Variants in TMEM181 observed in about 807,000 individuals in gnomAD.
TMEM181 encodes the protein transmembrane protein 181.
TMEM181 carries 39 observed loss-of-function variants against 71.9 expected under a neutral mutation model. The ratio of observed to expected loss-of-function variants is 0.54; its 90% confidence interval spans 0.42 to 0.71. The LOEUF is 0.71. TMEM181 is among the 30% of genes least tolerant of loss of function. TMEM181 has a pLI of 0.00. For synonymous variants in TMEM181, 245 were observed against 228.8 expected (o/e 1.07, Z -0.64); for missense variants, 595 against 583.0 (o/e 1.02, Z -0.21).
intron 6 of TMEM181, 144 bp from the exon 7 acceptor site, chr6:158,605,123 A>G: frequency 1.9e-6 from 1 of 520,220 alleles, no homozygotes; most frequent in Non-Finnish European, 3.1e-6. Context: ...CCAAAAAAAA[A>G]AAAAAAAAGT....
At chr6:158,610,550 G>A (rs1045461378) in intron 10 of TMEM181, 3 of 442,862 alleles carry the variant, frequency 6.8e-6, no homozygotes, top group Non-Finnish European at 1.1e-5. Flanking sequence ...GGAGCTGGAT[G>A]TGTGTCCTCC....
chr6:158,560,828 C>G (rs200078940), intron 1 of TMEM181, among the ~76,000 whole-genome samples: 1 of 134,560 alleles, frequency 7.4e-6, no homozygotes, highest in Non-Finnish European at 1.6e-5. Flanking sequence ...TTTTTTTTTT[C>G]TTTACCTCTT....
At chr6:158,599,655 C>G (rs1260266164) in intron 6 of TMEM181, among the ~76,000 whole-genome samples, 2 of 152,388 alleles carry the variant, frequency 1.3e-5, no homozygotes, top group East Asian at 3.9e-4. Flanking sequence ...GGAACGACCT[C>G]TACTTGTGGA....
chr6:158,590,877 C>T (rs772117909), intron 6 of TMEM181, among the ~76,000 whole-genome samples: 2 of 152,222 alleles, frequency 1.3e-5, no homozygotes, highest in Non-Finnish European at 2.9e-5. Flanking sequence ...CCCCCACAGT[C>T]CTTGGCAATC....
chr6:158,623,697 C>T, intron 11 of TMEM181, 90 bp downstream of exon 11: 1 of 935,344 alleles, frequency 1.1e-6, no homozygotes, highest in Non-Finnish European at 1.6e-6. Flanking sequence ...TTCTGTTGAG[C>T]TTTTTGCTAA....
At chr6:158,571,489 G>A (rs1485563841) in intron 1 of TMEM181, among the ~76,000 whole-genome samples, 2 of 136,292 alleles carry the variant, frequency 1.5e-5, no homozygotes, top group South Asian at 2.3e-4. Context: ...TAGTAGAGAC[G>A]GGGTTTCATC....
At chr6:158,622,199 G>A (rs1583049752) in intron 10 of TMEM181, among the ~76,000 whole-genome samples, 1 of 152,332 alleles carries the variant, frequency 6.6e-6, no homozygotes, top group East Asian at 1.9e-4. Flanking sequence ...AAGATTATTT[G>A]TTAGGCTAAT....
At chr6:158,571,142 G>T (rs1782787439) in intron 1 of TMEM181, among the ~76,000 whole-genome samples, 1 of 151,402 alleles carries the variant, frequency 6.6e-6, no homozygotes, top group Non-Finnish European at 1.5e-5. Flanking sequence ...TGTTGCCCAG[G>T]CTGAAGTGCA....
rs370162407 is a variant in TMEM181, at chr6:158,628,438, G to T, written c.1140G>T (p.Ala380=). The T allele has an allele frequency of 6.2e-7, 1 of 1,614,032 alleles. No homozygotes were observed. Among genetic ancestry groups the T allele is most frequent in the Non-Finnish European group, 8.5e-7 (1 of 1,180,038 alleles). The change falls in exon 14 of 17, where the codon GCG becomes GCT. Residue 380 remains alanine (A), a synonymous_variant. Transcript: ENST00000684151. ...CCATCCTTTATTTGAGATTTGGGGC[G>T]CAAGTACTACAAGACAATTTTGTAG... is the stretch of plus-strand genomic sequence containing the variant. ...SIAILYLRFG[A]QVLQDNFVAE...
intron 13 of TMEM181, chr6:158,628,155 G>A (rs1013971910): frequency 3.0e-6 from 2 of 659,004 alleles, no homozygotes; most frequent in Admixed American, 4.1e-5. Context: ...CTGCAGCAGG[G>A]TTCATCCTGT....
chr6:158,541,902 T>C (rs1350604810), intron 1 of TMEM181, among the ~76,000 whole-genome samples: 2 of 133,848 alleles, frequency 1.5e-5, no homozygotes, highest in Non-Finnish European at 3.1e-5. Context: ...TTTTATCTTT[T>C]TTTTTTTTTT....
intron 1 of TMEM181, among the ~76,000 whole-genome samples, chr6:158,538,641 G>A (rs768900366): frequency 7.2e-5 from 11 of 152,148 alleles, no homozygotes; most frequent in Non-Finnish European, 1.2e-4. Context: ...TCCTGCTGTT[G>A]TTCTAGGCGT....
chr6:158,577,158 C>T (rs1783212178), intron 2 of TMEM181, among the ~76,000 whole-genome samples: 2 of 151,472 alleles, frequency 1.3e-5, no homozygotes, highest in South Asian at 4.2e-4. Context: ...CTGAGTAAGA[C>T]CATATGACAG....
intron 2 of TMEM181, among the ~76,000 whole-genome samples, chr6:158,580,649 G>T (rs1783420088): frequency 6.6e-6 from 1 of 152,184 alleles, no homozygotes; most frequent in African/African-American, 2.4e-5. Flanking sequence ...TGTAGAGAGT[G>T]CTCTCATTGA....
chr6:158,595,775 G>C (rs534604432), intron 6 of TMEM181, among the ~76,000 whole-genome samples: 337 of 152,288 alleles, frequency 2.2e-3, no homozygotes, highest in African/African-American at 7.7e-3. Context: ...CTCTGGGGTA[G>C]GTTAGTGGCT....
chr6:158,592,109 A>G (rs1410684556), intron 6 of TMEM181, among the ~76,000 whole-genome samples: 2 of 152,216 alleles, frequency 1.3e-5, no homozygotes, highest in Non-Finnish European at 2.9e-5. Flanking sequence ...GGGATTTGTA[A>G]GGGATGTCAC....
intron 1 of TMEM181, among the ~76,000 whole-genome samples, chr6:158,553,442 G>A (rs2128281908): frequency 6.6e-6 from 1 of 152,280 alleles, no homozygotes; most frequent in Non-Finnish European, 1.5e-5. Flanking sequence ...CATATCAGGT[G>A]TTCACCTAAG....
intron 1 of TMEM181, among the ~76,000 whole-genome samples, chr6:158,550,243 C>T (rs1290067863): frequency 6.6e-6 from 1 of 151,814 alleles, no homozygotes; most frequent in African/African-American, 2.4e-5. Context: ...CAGGGTTTCA[C>T]CATGTTGGTC....
In TMEM181 at chr6:158,572,137, C is replaced by T. The variant is rs111260740; in HGVS notation, c.9-1283C>T. Among the ~76,000 whole-genome samples, 615 of 152,378 alleles carry T rather than the reference C, an allele frequency of 4.0e-3. 7 individuals carry two copies. Among genetic ancestry groups the T allele is most frequent in the African/African-American group, 0.014 (567 of 41,598 alleles). Reference sequence around the variant, plus strand: ...AGCGGGCCTGGCCTTATCAGAGCTACGTCGCAGAGGTGTTGACTCACGGCC... The same window carrying T: ...AGCGGGCCTGGCCTTATCAGAGCTATGTCGCAGAGGTGTTGACTCACGGCC... On this transcript the variant is annotated intron_variant, in intron 1 of 16. Coordinates refer to ENST00000684151, the MANE Select transcript of TMEM181 (RefSeq NM_001376852.1).
Sources: gnomAD v4.1 joint callset for allele counts (sites outside exome capture counted in the v4.1 genomes callset) on GRCh38, gnomAD v4.1.1 for gene constraint, MANE v1.5 for transcripts, NCBI Gene and HGNC (gene_info 2026-07-23, HGNC 2026-07-21) for gene names.